Variants in PKD2 observed in about 807,000 individuals in gnomAD.
PKD2 encodes the protein polycystin 2, transient receptor potential cation channel, also known as polycystin-2.
A neutral mutation model predicts 105.9 loss-of-function variants in PKD2; 48 were observed. That is an observed-to-expected ratio of 0.45 (90% confidence interval 0.36 to 0.58). The LOEUF (loss-of-function observed/expected upper bound fraction) is 0.58. Ranked by LOEUF, PKD2 falls within the 20% of genes least tolerant of loss-of-function variation. The probability of loss-of-function intolerance (pLI) is 0.00; values close to 1 mark genes in which losing one functional copy is unlikely to be tolerated. For synonymous variants in PKD2, 464 were observed against 481.1 expected (o/e 0.96, Z 0.46); for missense variants, 1,078 against 1,255.3 (o/e 0.86, Z 2.13).
Position 88,056,115 on chromosome 4 carries a change from C to T in PKD2, c.1746C>T (p.Thr582=), listed in dbSNP as rs1720320611. 2.5e-6 allele frequency: 4 copies of T among 1,613,226 alleles called. No homozygotes were observed. The highest frequency in any genetic ancestry group is 2.2e-5 in the South Asian group (2 of 91,052). Residue 582 remains threonine (T), a synonymous_variant, in exon 8 of 15, where the codon ACC becomes ACT. Coordinates refer to ENST00000237596, the MANE Select transcript of PKD2 (RefSeq NM_000297.4). ...KLFKFINFNR[T]MSQLSTTMSR... ...TCAAATTCATCAATTTTAACAGGAC[C>T]ATGAGCCAGCTCTCGACAACCATGT...
At chr4:88,040,694 C>T (rs899557905) in intron 4 of PKD2, among the ~76,000 whole-genome samples, 8 of 152,206 alleles carry the variant, frequency 5.3e-5, no homozygotes, top group Admixed American at 4.6e-4. Flanking sequence ...TTATCCCCTT[C>T]ATACTGTCTG....
chr4:88,065,655 C>G, intron 11 of PKD2, 107 bp from the exon 12 acceptor site: 1 of 1,168,518 alleles, frequency 8.6e-7, no homozygotes, highest in East Asian at 2.3e-5. Flanking sequence ...GGAAAACTTG[C>G]CCCCATTTGG....
chr4:88,038,442 T>A lies in PKD2; in HGVS notation c.1035T>A (p.Tyr345Ter). The A allele has an allele frequency of 6.2e-7, 1 of 1,613,120 alleles. No individual in the cohort carries two copies. Among genetic ancestry groups the A allele is most frequent in the Non-Finnish European group, 8.5e-7 (1 of 1,179,066 alleles). The part of the protein sequence containing the change: ...QDLRDEIKEC[Y>*]DVYSVSSEDR... ...TGAGAGATGAAATTAAAGAGTGCTATGATGTCTACTCTGTCAGTAGTGAAG... is the reference window on the plus strand; with the variant it reads ...TGAGAGATGAAATTAAAGAGTGCTAAGATGTCTACTCTGTCAGTAGTGAAG... The change falls in exon 4 of 15, where the codon TAT (tyrosine) becomes TAA (stop). Residue 345 changes from tyrosine to a stop codon, truncating the protein, a stop_gained. Coordinates refer to ENST00000237596, the MANE Select transcript of PKD2 (RefSeq NM_000297.4). LOFTEE classifies it high-confidence loss of function.
At chr4:88,047,949 T>G (rs1300923706) in intron 6 of PKD2, among the ~76,000 whole-genome samples, 1 of 152,186 alleles carries the variant, frequency 6.6e-6, no homozygotes, top group Non-Finnish European at 1.5e-5. Flanking sequence ...TTTCAAGATG[T>G]TTTCCCTTCA....
intron 14 of PKD2, among the ~76,000 whole-genome samples, 198 bp downstream of exon 14, chr4:88,075,157 C>T (rs1721187048): frequency 6.6e-6 from 1 of 152,140 alleles, no homozygotes; most frequent in African/African-American, 2.4e-5. Context: ...TATAAAATCT[C>T]TTGCTATAAA....
intron 1 of PKD2, 75 bp downstream of exon 1, chr4:88,008,403 C>T (rs1017833165): frequency 1.2e-5 from 17 of 1,450,766 alleles, no homozygotes; most frequent in African/African-American, 5.8e-5. Flanking sequence ...TCGCCCGCTG[C>T]GGCAGCTCCC....
chr4:88,024,858 A>G (rs1236666489), intron 2 of PKD2, among the ~76,000 whole-genome samples: 1 of 152,106 alleles, frequency 6.6e-6, no homozygotes, highest in African/African-American at 2.4e-5. Context: ...AAATAGGCCA[A>G]GCACAGTGGC....
At chr4:88,013,548 A>G (rs960714376) in intron 1 of PKD2, among the ~76,000 whole-genome samples, 4 of 152,184 alleles carry the variant, frequency 2.6e-5, no homozygotes, top group Admixed American at 2.0e-4. Context: ...CAAAAAATAC[A>G]AAAATTAGCC....
intron 13 of PKD2, among the ~76,000 whole-genome samples, chr4:88,073,020 G>C (rs2110148313): frequency 7.3e-6 from 1 of 136,242 alleles, no homozygotes; most frequent in Non-Finnish European, 1.5e-5. Flanking sequence ...GGGCAACAGA[G>C]TGAGACTCTG....
chr4:88,054,991 C>T (rs1463396802), intron 7 of PKD2, among the ~76,000 whole-genome samples: 2 of 152,168 alleles, frequency 1.3e-5, no homozygotes, highest in African/African-American at 4.8e-5. Flanking sequence ...ATGTGCTCTT[C>T]CACTGAGGCT....
intron 4 of PKD2, among the ~76,000 whole-genome samples, chr4:88,040,539 C>G (rs748756969): frequency 1.3e-5 from 2 of 152,188 alleles, no homozygotes; most frequent in Non-Finnish European, 2.9e-5. Flanking sequence ...CAACTCCAAA[C>G]TTCTTGGAAG....
At chr4:88,055,703 C>T (rs1397427307) in intron 7 of PKD2, among the ~76,000 whole-genome samples, 2 of 149,006 alleles carry the variant, frequency 1.3e-5, no homozygotes, top group African/African-American at 5.0e-5. Context: ...CTTAAGTGTA[C>T]AATTCAGTGG....
Position 88,075,639 on chromosome 4 carries a change from C to G in PKD2, c.2852C>G (p.Ser951Cys). The change falls in exon 15 of 15, where the codon TCT becomes TGT. Residue 951 changes from serine to cysteine, a missense_variant. This residue lies in a region of PKD2 where 868 missense variants were observed against 1,067.3 expected (regional missense o/e 0.81). Transcript: ENST00000237596. Reference sequence around the variant, plus strand: ...AGCTCCCGCCCATCTTCCTCCCAATCTACAGAAGGCATGGAAGGTGCAGGT... The same window carrying G: ...AGCTCCCGCCCATCTTCCTCCCAATGTACAGAAGGCATGGAAGGTGCAGGT... Reference protein sequence around the residue: ...PRSSRPSSSQSTEGMEGAGGN... With the variant: ...PRSSRPSSSQCTEGMEGAGGN... 1.2e-6 allele frequency: 2 copies of G among 1,614,134 alleles called. No individual in the cohort carries two copies. The highest frequency in any genetic ancestry group is 2.2e-5 in the East Asian group (1 of 44,872).
chr4:88,021,975 T>C (rs1387370353), intron 2 of PKD2, among the ~76,000 whole-genome samples: 1 of 152,180 alleles, frequency 6.6e-6, no homozygotes, highest in African/African-American at 2.4e-5. Context: ...TCAGAGTCCC[T>C]AAGAAAGCAC....
Position 88,022,843 on chromosome 4 carries a change from C to T in PKD2, c.709+3272C>T, listed in dbSNP as rs555607856. Among the ~76,000 whole-genome samples the T allele has an allele frequency of 1.6e-3, 243 of 152,226 alleles. 1 individual carries two copies. The highest frequency in any genetic ancestry group is 5.6e-3 in the African/African-American group (231 of 41,536). ...CAGGCCTGTAATCTCAGCACTTTGT[C>T]AGGCTGAAGCAGGTGTAATGGTGAG... On this transcript the variant is annotated intron_variant, in intron 2 of 14. Coordinates refer to ENST00000237596, the MANE Select transcript of PKD2 (RefSeq NM_000297.4).
intron 1 of PKD2, among the ~76,000 whole-genome samples, chr4:88,011,055 A>C (rs1408278080): frequency 6.6e-6 from 1 of 152,264 alleles, no homozygotes; most frequent in Non-Finnish European, 1.5e-5. Context: ...GGAGGCAAGA[A>C]GACCTGTGGG....
chr4:88,014,840 C>T (rs1726507103), intron 1 of PKD2, among the ~76,000 whole-genome samples: 3 of 152,196 alleles, frequency 2.0e-5, no homozygotes, highest in Admixed American at 1.3e-4. Flanking sequence ...AAGCTACAGA[C>T]AGGCCTCTTC....
Position 88,076,538 on chromosome 4 carries a change from A to T in PKD2, c.*844A>T, listed in dbSNP as rs1721240830. 2 of 152,332 alleles carry T rather than the reference A, an allele frequency of 1.3e-5. No homozygotes were observed. The highest frequency in any genetic ancestry group is 4.1e-4 in the South Asian group (2 of 4,822). The allele number at this position is 152,332 out of a possible 1,614,324, so 9.4% of individuals were successfully genotyped here. On this transcript the variant is annotated 3_prime_UTR_variant, in exon 15 of 15. Coordinates refer to ENST00000237596, the MANE Select transcript of PKD2 (RefSeq NM_000297.4). ...TTCCCATGTGGCTCTACTCATTTGC[A>T]ACTGAATTTAATGTTATAACTCATC...
chr4:88,019,582 TA>T lies in PKD2; in HGVS notation c.709+12del, dbSNP rs934666163. 5 of 1,351,812 alleles carry T rather than the reference TA, an allele frequency of 3.7e-6. No homozygotes were observed. The highest frequency in any genetic ancestry group is 5.3e-6 in the Non-Finnish European group (5 of 940,436). 83.7% of individuals were successfully genotyped at this position (1,351,812 alleles called of 1,614,324 possible). On this transcript the variant is annotated intron_variant, in intron 2 of 14. Transcript: ENST00000237596. Reference sequence around the variant, plus strand: ...TAGTCTTGTGCATCTGTAAGTAGAATATTTCCTTGCACTAATGGGAAAGTTT... The same window carrying T: ...TAGTCTTGTGCATCTGTAAGTAGAATTTTCCTTGCACTAATGGGAAAGTTT...
Sources: allele counts gnomAD v4.1 joint callset (sites outside exome capture counted in the v4.1 genomes callset), GRCh38; gene constraint gnomAD v4.1.1; regional missense constraint gnomAD v4.1.1; transcripts MANE v1.5; gene names NCBI Gene and HGNC (gene_info 2026-07-23, HGNC 2026-07-21).